The following SEL1L3 variants were observed in gnomAD, a reference collection of about 807,000 sequenced individuals.
SEL1L3 encodes the protein protein sel-1 homolog 3.
Under a neutral mutation model 142.8 loss-of-function variants are expected in SEL1L3, and 76 were observed. That is an observed-to-expected ratio of 0.53 (90% CI 0.44 to 0.64). SEL1L3 has a LOEUF of 0.64. Among genes scored for constraint, SEL1L3 ranks in the 30% least tolerant of loss-of-function variants. SEL1L3 has a pLI of 0.00. For missense variants in SEL1L3, 1,262 were observed against 1,381.7 expected, an observed-to-expected ratio of 0.91 and a Z score of 1.37; for synonymous variants, 504 against 519.6, an observed-to-expected ratio of 0.97 and a Z score of 0.41.
At chr4:25,842,569 C>T (rs1443648853) in intron 2 of SEL1L3, among the ~76,000 whole-genome samples, 1 of 152,200 alleles carries the variant, frequency 6.6e-6, no homozygotes, top group Non-Finnish European at 1.5e-5. Flanking sequence ...GTGGGTTTGT[C>T]TGGGAAGCTG....
intron 20 of SEL1L3, among the ~76,000 whole-genome samples, chr4:25,762,422 T>C (rs770651656): frequency 4.6e-5 from 7 of 152,200 alleles, no homozygotes; most frequent in Non-Finnish European, 7.3e-5. Context: ...ATAAATCCCA[T>C]ATAGGCAACA....
chr4:25,778,871 G>A (rs1365496692), intron 16 of SEL1L3, among the ~76,000 whole-genome samples: 1 of 152,020 alleles, frequency 6.6e-6, no homozygotes, highest in Non-Finnish European at 1.5e-5. Context: ...AGTGAGGTAG[G>A]CAAGGATTTC....
intron 1 of SEL1L3, among the ~76,000 whole-genome samples, chr4:25,855,062 C>T (rs1251323497): frequency 2.0e-5 from 3 of 152,234 alleles, no homozygotes; most frequent in Non-Finnish European, 4.4e-5. Flanking sequence ...AGGAAGCTGG[C>T]ATCCGGTGGC....
intron 10 of SEL1L3, among the ~76,000 whole-genome samples, chr4:25,802,868 T>A (rs1005524085): frequency 4.6e-5 from 7 of 152,110 alleles, no homozygotes; most frequent in Non-Finnish European, 7.4e-5. Context: ...CTTGCCTTTT[T>A]AAAAAAATAA....
At chr4:25,856,183 G>A (rs148304424) in intron 1 of SEL1L3, among the ~76,000 whole-genome samples, 5 of 152,144 alleles carry the variant, frequency 3.3e-5, no homozygotes, top group East Asian at 1.9e-4. Flanking sequence ...CTCATCCCTC[G>A]ACCCTCTGCT....
intron 15 of SEL1L3, among the ~76,000 whole-genome samples, chr4:25,781,398 G>A (rs1394937339): frequency 2.6e-5 from 4 of 152,032 alleles, no homozygotes; most frequent in Non-Finnish European, 5.9e-5. Flanking sequence ...AGAACTTTGG[G>A]TGGTGGAGGT....
the SEL1L3 span, among the ~76,000 whole-genome samples, chr4:25,715,319 C>T: frequency 1.1e-4 from 17 of 152,164 alleles, no homozygotes; most frequent in East Asian, 5.8e-4. Context: ...GAGCAAGACA[C>T]GCTCTCAATT....
chr4:25,819,039 G>A (rs747980781), intron 8 of SEL1L3, among the ~76,000 whole-genome samples: 2 of 152,160 alleles, frequency 1.3e-5, no homozygotes, highest in Non-Finnish European at 1.5e-5. Flanking sequence ...TACTCAATTC[G>A]CTTTTGCTGA....
chr4:25,846,153 G>T (rs1034210991), intron 2 of SEL1L3, among the ~76,000 whole-genome samples: 1 of 152,200 alleles, frequency 6.6e-6, no homozygotes, highest in African/African-American at 2.4e-5. Context: ...CAGGCACTCG[G>T]CATCCACAGA....
chr4:25,830,676 C>A (rs1715377210), intron 5 of SEL1L3, among the ~76,000 whole-genome samples: 1 of 152,150 alleles, frequency 6.6e-6, no homozygotes, highest in South Asian at 2.1e-4. Flanking sequence ...CATATGGGCT[C>A]TTCTCATGTC....
chr4:25,844,115 G>T (rs1716352627), intron 2 of SEL1L3, among the ~76,000 whole-genome samples: 1 of 152,194 alleles, frequency 6.6e-6, no homozygotes, highest in African/African-American at 2.4e-5. Context: ...GACCATACAT[G>T]ACAGGCCCCC....
intron 10 of SEL1L3, among the ~76,000 whole-genome samples, chr4:25,802,891 G>A (rs541398768): frequency 1.0e-3 from 157 of 152,268 alleles, no homozygotes; most frequent in Non-Finnish European, 1.5e-3. Flanking sequence ...AAATGAAATG[G>A]GAAAAAAGCC....
At chr4:25,814,695 C>A (rs957151285) in intron 9 of SEL1L3, among the ~76,000 whole-genome samples, 1 of 152,036 alleles carries the variant, frequency 6.6e-6, no homozygotes, top group African/African-American at 2.4e-5. Context: ...ACGGCGATAG[C>A]GTCACACTCG....
At chr4:25,736,649 T>C in the SEL1L3 span, among the ~76,000 whole-genome samples, 12 of 152,330 alleles carry the variant, frequency 7.9e-5, no homozygotes, top group South Asian at 2.1e-3. Flanking sequence ...TGATATTTTA[T>C]AAATGTTAGT....
chr4:25,775,961 T>A (rs879891064), intron 17 of SEL1L3, among the ~76,000 whole-genome samples: 13 of 152,078 alleles, frequency 8.5e-5, no homozygotes, highest in Non-Finnish European at 1.3e-4. Context: ...AGATCCCCTA[T>A]GCTGTCTCCA....
Position 25,790,446 on chromosome 4 carries a change from C to T in SEL1L3, c.2076+9G>A, listed in dbSNP as rs772598738. The T allele has an allele frequency of 4.3e-6, 7 of 1,613,334 alleles. No individual in the cohort carries two copies. The Admixed American group carries it at 5.0e-5, about 12-fold the overall frequency. ...ACAGAATCCCCAAGACAGTAGCCTG[C>T]GTTTTTACCTGAGCTGCTGCATTGC... On this transcript the variant is annotated intron_variant, in intron 12 of 23. Coordinates refer to ENST00000399878, the MANE Select transcript of SEL1L3 (RefSeq NM_015187.5).
chr4:25,728,168 G>A, the SEL1L3 span, among the ~76,000 whole-genome samples: 71 of 152,272 alleles, frequency 4.7e-4, no homozygotes, highest in African/African-American at 1.6e-3. Flanking sequence ...GTCCCCTGAA[G>A]AATAATCTGG....
rs535968294 is a variant in SEL1L3 at position 25,798,718 on chromosome 4, C to T, written c.1956+3565G>A. ...TGGCACATGCCTGTAGTCCCAGCTACTCGGGAGGCTGAGGCAGGAGGATCA... is the reference window on the plus strand; with the variant it reads ...TGGCACATGCCTGTAGTCCCAGCTATTCGGGAGGCTGAGGCAGGAGGATCA... On this transcript the variant is annotated intron_variant, in intron 11 of 23. Coordinates refer to ENST00000399878, the MANE Select transcript of SEL1L3 (RefSeq NM_015187.5). Among the ~76,000 whole-genome samples, 7 of 152,314 alleles carry T rather than the reference C, an allele frequency of 4.6e-5. No homozygotes were observed. In the East Asian group the frequency reaches 1.4e-3, roughly 29 times the overall value.
chr4:25,764,901 T>C (rs1718609986), intron 20 of SEL1L3, among the ~76,000 whole-genome samples: 1 of 152,176 alleles, frequency 6.6e-6, no homozygotes, highest in Non-Finnish European at 1.5e-5. Flanking sequence ...TGAAAATGGA[T>C]GAACAATGGC....
Sources: allele counts gnomAD v4.1 joint callset (sites outside exome capture counted in the v4.1 genomes callset), GRCh38; gene constraint gnomAD v4.1.1; transcripts MANE v1.5; gene names NCBI Gene and HGNC (gene_info 2026-07-23, HGNC 2026-07-21).